SLCO3A1: variants seen among roughly 807,000 people sequenced by gnomAD.
The protein encoded by SLCO3A1 is PGE1 transporter.
SLCO3A1 carries 27 observed loss-of-function variants against 63.1 expected under a neutral mutation model. The ratio of observed to expected loss-of-function variants is 0.43; its 90% CI spans 0.32 to 0.59. The LOEUF is 0.59. Ranked by LOEUF, SLCO3A1 falls within the 20% of genes least tolerant of loss-of-function variation. The pLI is 0.09. For missense variants in SLCO3A1, 773 were observed against 945.8 expected (o/e 0.82, Z 2.40); for synonymous variants, 473 against 409.9 (o/e 1.15, Z -1.86).
chr15:91,951,812 C>A (rs1900009764), intron 2 of SLCO3A1, among the ~76,000 whole-genome samples: 1 of 152,152 alleles, frequency 6.6e-6, no homozygotes. Context: ...GCCTCGGCCT[C>A]CCTAAGTATT....
In SLCO3A1 at chr15:92,165,028, G is replaced by GAAAGAATC; in HGVS notation, c.*1895_*1896insAGAATCAA. 1.0e-6 allele frequency: 1 copy of GAAAGAATC among 985,372 alleles called. No individual in the cohort carries two copies. Among genetic ancestry groups the GAAAGAATC allele is most frequent in the Non-Finnish European group, 1.2e-6 (1 of 829,880 alleles). 61.0% of individuals were successfully genotyped at this position (985,372 alleles called of 1,614,324 possible). A position where few individuals can be genotyped will look rare whatever the true frequency, so the allele number is the denominator to read the frequency against. ...CATTTTACCCACAAGGCAAACAAAA[G>GAAAGAATC]AATCAGGAAGTAAAAAATGGTTGGG... On this transcript the variant is annotated 3_prime_UTR_variant, in exon 10 of 10. Transcript: ENST00000318445.
chr15:92,111,683 C>T (rs552854327), intron 4 of SLCO3A1, among the ~76,000 whole-genome samples: 6 of 152,284 alleles, frequency 3.9e-5, no homozygotes, highest in African/African-American at 1.4e-4. Flanking sequence ...CTGCACTTCT[C>T]AAGTTATTTC....
intron 8 of SLCO3A1, among the ~76,000 whole-genome samples, chr15:92,150,066 C>G (rs769939870): frequency 6.6e-6 from 1 of 152,128 alleles, no homozygotes; most frequent in African/African-American, 2.4e-5. Context: ...AGTCACGTCC[C>G]CATCGCTCAA....
rs529448401 is a variant in SLCO3A1 at position 91,871,358 on chromosome 15, G to A, written c.180+17270G>A. Among the ~76,000 whole-genome samples, 5 of 152,202 alleles carry A rather than the reference G, an allele frequency of 3.3e-5. No individual in the cohort carries two copies. In the South Asian group the frequency reaches 8.3e-4, roughly 25 times the overall value. On this transcript the variant is annotated intron_variant, in intron 1 of 9. Coordinates refer to ENST00000318445, the MANE Select transcript of SLCO3A1 (RefSeq NM_013272.4). ...TTTGAAGGCCCTTTTAAGTGGGTTC[G>A]GTCTTCCTGTGTGGGGGGCACACAC...
At chr15:91,965,485 C>T (rs1900624524) in intron 2 of SLCO3A1, among the ~76,000 whole-genome samples, 1 of 152,142 alleles carries the variant, frequency 6.6e-6, no homozygotes, top group East Asian at 1.9e-4. Context: ...CTAAAAATAT[C>T]CTTCATTGAC....
chr15:91,911,596 C>CTA (rs1319007227), intron 1 of SLCO3A1, among the ~76,000 whole-genome samples: 1 of 151,980 alleles, frequency 6.6e-6, no homozygotes, highest in Non-Finnish European at 1.5e-5. Flanking sequence ...CTATATCTAT[C>CTA]TATATATATA....
intron 1 of SLCO3A1, among the ~76,000 whole-genome samples, chr15:91,866,537 T>C (rs973634384): frequency 6.7e-5 from 10 of 148,418 alleles, no homozygotes; most frequent in African/African-American, 2.5e-4. Flanking sequence ...GTAGGAGTGA[T>C]ATGGTTCCCA....
Position 92,130,233 on chromosome 15 carries a change from G to T in SLCO3A1, c.1512+1744G>T, listed in dbSNP as rs117393234. Among the ~76,000 whole-genome samples the T allele has an allele frequency of 4.2e-3, 641 of 152,334 alleles. 3 individuals are homozygous for T. The highest frequency in any genetic ancestry group is 7.0e-3 in the Admixed American group (107 of 15,306). ...TCTTATTGAATAAGAGCCTTACCAG[G>T]CCCATCTGTGGCTGCATCCCACTGC... On this transcript the variant is annotated intron_variant, in intron 7 of 9. Coordinates refer to ENST00000318445, the MANE Select transcript of SLCO3A1 (RefSeq NM_013272.4).
At chr15:92,074,825 C>A (rs1596077499) in intron 2 of SLCO3A1, among the ~76,000 whole-genome samples, 1 of 152,162 alleles carries the variant, frequency 6.6e-6, no homozygotes, top group East Asian at 1.9e-4. Context: ...TAGGCAGCCC[C>A]ACATCCTGCT....
intron 2 of SLCO3A1, among the ~76,000 whole-genome samples, chr15:92,054,375 C>T (rs949040454): frequency 6.6e-6 from 1 of 152,162 alleles, no homozygotes; most frequent in African/African-American, 2.4e-5. Flanking sequence ...AGTTGTAGCA[C>T]CACAGTGAAT....
chr15:92,133,802 G>C (rs2048024334), intron 7 of SLCO3A1, among the ~76,000 whole-genome samples: 1 of 151,662 alleles, frequency 6.6e-6, no homozygotes. Flanking sequence ...TGTAATAATA[G>C]AAATAAAGCG....
At chr15:92,089,841 T>A (rs984527427) in intron 2 of SLCO3A1, among the ~76,000 whole-genome samples, 2 of 152,162 alleles carry the variant, frequency 1.3e-5, no homozygotes, top group Non-Finnish European at 2.9e-5. Context: ...CATCTGGGTA[T>A]AAGTTGAGAT....
intron 8 of SLCO3A1, chr15:92,149,633 G>A (rs924230555): frequency 1.3e-5 from 2 of 152,220 alleles, no homozygotes; most frequent in African/African-American, 4.8e-5. Context: ...GCGTTGTCCA[G>A]AGCTTTCAAT....
At position 91,856,667 on chromosome 15, in the gene SLCO3A1, C is replaced by T. The variant is rs535632244; in HGVS notation, c.180+2579C>T. On this transcript the variant is annotated intron_variant, in intron 1 of 9. Coordinates refer to ENST00000318445, the MANE Select transcript of SLCO3A1 (RefSeq NM_013272.4). The surrounding 1 kb of genome is among the most constrained non-coding windows in gnomAD (Gnocchi z 4.9). ...GTAGGGGACCACAGGGCAGGGTCCACGTGCTAAGTGTGCGTTATACGTGAT... is the reference window on the plus strand; with the variant it reads ...GTAGGGGACCACAGGGCAGGGTCCATGTGCTAAGTGTGCGTTATACGTGAT... 3.3e-5 allele frequency among the ~76,000 whole-genome samples: 5 copies of T among 152,286 alleles called. No individual in the cohort carries two copies. Among genetic ancestry groups the T allele is most frequent in the South Asian group, 2.1e-4 (1 of 4,816 alleles).
At chr15:91,917,462 C>T (rs944747480) in intron 2 of SLCO3A1, among the ~76,000 whole-genome samples, 3 of 152,144 alleles carry the variant, frequency 2.0e-5, no homozygotes, top group Non-Finnish European at 4.4e-5. Flanking sequence ...CAGGACACAC[C>T]GAAATGCAGA....
At chr15:92,130,982 T>C (rs528181019) in intron 7 of SLCO3A1, among the ~76,000 whole-genome samples, 49 of 151,152 alleles carry the variant, frequency 3.2e-4, no homozygotes, top group Admixed American at 8.6e-4. Context: ...CCTTCCCCAA[T>C]GTGAGTTCAG....
At chr15:92,021,295 T>C (rs1011537606) in intron 2 of SLCO3A1, among the ~76,000 whole-genome samples, 1 of 152,212 alleles carries the variant, frequency 6.6e-6, no homozygotes, top group Non-Finnish European at 1.5e-5. Context: ...GCCTCTCCCA[T>C]TCTGTATACA....
intron 7 of SLCO3A1, among the ~76,000 whole-genome samples, chr15:92,145,352 G>C (rs959275788): frequency 6.6e-6 from 1 of 152,282 alleles, no homozygotes; most frequent in East Asian, 1.9e-4. Context: ...GAAAGTTGGG[G>C]AGAAGTCTTG....
intron 9 of SLCO3A1, chr15:92,153,508 A>G (rs1362958457): frequency 6.6e-6 from 1 of 152,212 alleles, no homozygotes; most frequent in Non-Finnish European, 1.5e-5. Flanking sequence ...ACCCAGTAAG[A>G]TTAACCACCA....
Sources: gnomAD v4.1 joint callset for allele counts (sites outside exome capture counted in the v4.1 genomes callset) on GRCh38, gnomAD v4.1.1 for gene constraint, Gnocchi (gnomAD v3.1) non-coding constraint, MANE v1.5 for transcripts, NCBI Gene and HGNC (gene_info 2026-07-23, HGNC 2026-07-21) for gene names.